The following CRIM1 variants were observed in gnomAD, a reference collection of about 807,000 sequenced individuals.
CRIM1 encodes cysteine rich transmembrane BMP regulator 1, also known as cysteine-rich motor neuron 1 protein.
In CRIM1, 32 loss-of-function variants were observed where a neutral mutation model predicts 116.4. The observed-to-expected ratio is 0.27, with a 90% CI of 0.21 to 0.37. CRIM1 has a LOEUF of 0.37. Among genes scored for constraint, CRIM1 ranks in the 10% least tolerant of loss-of-function variants. The pLI is 1.00. For missense variants in CRIM1, 1,331 were observed against 1,354.8 expected (o/e 0.98, Z 0.28); for synonymous variants, 590 against 509.2 (o/e 1.16, Z -2.13).
chr2:36,550,041 A>ATGTGTGTGTGTGTGTG lies in CRIM1; in HGVS notation c.*1351_*1366dup, dbSNP rs71396495. 41 of 146,454 alleles carry ATGTGTGTGTGTGTGTG rather than the reference A, an allele frequency of 2.8e-4. No individual in the cohort carries two copies. Among genetic ancestry groups the ATGTGTGTGTGTGTGTG allele is most frequent in the Admixed American group, 1.2e-3 (17 of 14,642 alleles). 9.1% of individuals were successfully genotyped at this position (146,454 alleles called of 1,614,324 possible). On this transcript the variant is annotated 3_prime_UTR_variant, in exon 17 of 17. Coordinates refer to ENST00000280527, the MANE Select transcript of CRIM1 (RefSeq NM_016441.3). The stretch of plus-strand genomic sequence containing the variant: ...GAAAGATGTGTGTGTGAGAGTATGT[A>ATGTGTGTGTGTGTGTG]TGTGTGTGTGTGTGTGTGTGTGTGT...
intron 1 of CRIM1, among the ~76,000 whole-genome samples, chr2:36,389,086 C>G (rs1372087455): frequency 6.6e-6 from 1 of 152,214 alleles, no homozygotes; most frequent in Non-Finnish European, 1.5e-5. Flanking sequence ...TTTATAGTTA[C>G]ATATGCTTAA....
At chr2:36,466,034 C>T (rs1440332639) in intron 5 of CRIM1, among the ~76,000 whole-genome samples, 2 of 118,288 alleles carry the variant, frequency 1.7e-5, no homozygotes, top group African/African-American at 2.9e-5. Flanking sequence ...TACAGGCGCC[C>T]GCCACCACAC....
At chr2:36,532,725 C>T (rs1379938023) in intron 13 of CRIM1, among the ~76,000 whole-genome samples, 1 of 152,164 alleles carries the variant, frequency 6.6e-6, no homozygotes, top group Non-Finnish European at 1.5e-5. Context: ...CCCTCCTCAC[C>T]CTGCCACTTC....
rs756778679 is a variant in CRIM1, at chr2:36,548,519, A to G, written c.2935-6A>G. The G allele has an allele frequency of 6.4e-7, 1 of 1,550,946 alleles. No individual in the cohort carries two copies. The highest frequency in any genetic ancestry group is 1.2e-5 in the South Asian group (1 of 80,730). On this transcript the variant is annotated splice_polypyrimidine_tract_variant and splice_region_variant and intron_variant, in intron 16 of 16. Transcript: ENST00000280527. Reference sequence around the variant, plus strand: ...TTGTGGTTTTATTCCTCCTCTCATTAAATAGCCTTCTTCCTTAAATAATCA... The same window carrying G: ...TTGTGGTTTTATTCCTCCTCTCATTGAATAGCCTTCTTCCTTAAATAATCA...
intron 13 of CRIM1, among the ~76,000 whole-genome samples, chr2:36,534,052 AGAAG>A (rs972346633): frequency 2.3e-5 from 3 of 131,492 alleles, no homozygotes; most frequent in Non-Finnish European, 4.8e-5. Flanking sequence ...GGACAGAGGG[AGAAG>A]GAAGGAAGGT....
chr2:36,543,701 T>A (rs867881943), intron 14 of CRIM1, among the ~76,000 whole-genome samples: 30 of 130,358 alleles, frequency 2.3e-4, no homozygotes, highest in East Asian at 1.1e-3. Flanking sequence ...TTTTTTTTTT[T>A]TAAAAAGACC....
intron 2 of CRIM1, among the ~76,000 whole-genome samples, chr2:36,434,792 T>C (rs1675170932): frequency 6.6e-6 from 1 of 152,256 alleles, no homozygotes; most frequent in Non-Finnish European, 1.5e-5. Flanking sequence ...TCATGAAGTC[T>C]GTTTTTCCAC....
At chr2:36,499,461 GA>G (rs1271734731) in intron 8 of CRIM1, 114 bp downstream of exon 8, 12 of 1,125,404 alleles carry the variant, frequency 1.1e-5, no homozygotes, top group African/African-American at 1.6e-5. Context: ...TTGACAACCT[GA>G]AAAAAAGGGG....
At chr2:36,495,657 T>C (rs1680537867) in intron 7 of CRIM1, among the ~76,000 whole-genome samples, 1 of 152,026 alleles carries the variant, frequency 6.6e-6, no homozygotes, top group African/African-American at 2.4e-5. Flanking sequence ...TTTGAAATGC[T>C]TTAATTGAGA....
At chr2:36,380,516 T>C (rs1438120575) in intron 1 of CRIM1, among the ~76,000 whole-genome samples, 1 of 152,096 alleles carries the variant, frequency 6.6e-6, no homozygotes, top group South Asian at 2.1e-4. Flanking sequence ...TTGGAAGCCC[T>C]TGAGAGGCCA....
intron 2 of CRIM1, among the ~76,000 whole-genome samples, chr2:36,398,983 C>T (rs1026401523): frequency 1.3e-4 from 19 of 151,970 alleles, no homozygotes; most frequent in African/African-American, 4.4e-4. Context: ...GTAGACTGAA[C>T]GATTTAGAAT....
At position 36,499,178 on chromosome 2, in the gene CRIM1, C is replaced by T. The variant is rs561133654; in HGVS notation, c.1373-41C>T. 2.7e-6 allele frequency: 4 copies of T among 1,506,774 alleles called. No homozygotes were observed. The African/African-American group carries it at 4.1e-5, about 16-fold the overall frequency. The allele number at this position is 1,506,774 out of a possible 1,614,324, so 93.3% of individuals were successfully genotyped here. A position where few individuals can be genotyped will look rare whatever the true frequency, so the allele number is the denominator to read the frequency against. On this transcript the variant is annotated intron_variant, in intron 7 of 16. Transcript: ENST00000280527. ...AATTGAATAGCATCTAAAAGGTAAT[C>T]ATATGTTTCATTGGTTATTTTTTTC...
intron 8 of CRIM1, among the ~76,000 whole-genome samples, chr2:36,508,124 T>C (rs1681557853): frequency 1.3e-5 from 2 of 152,196 alleles, no homozygotes; most frequent in African/African-American, 4.8e-5. Flanking sequence ...AATTACAAAT[T>C]TCTAAATGAA....
intron 1 of CRIM1, among the ~76,000 whole-genome samples, chr2:36,369,820 G>A (rs993561815): frequency 6.6e-6 from 1 of 152,198 alleles, no homozygotes; most frequent in African/African-American, 2.4e-5. Context: ...AATACTCTTT[G>A]AGAGACAGGA....
At chr2:36,547,251 G>T in intron 16 of CRIM1, 80 bp downstream of exon 16, 1 of 1,201,126 alleles carries the variant, frequency 8.3e-7, no homozygotes, top group Admixed American at 1.9e-5. Flanking sequence ...TTGAAACCTT[G>T]TGTCTTAACC....
At chr2:36,520,709 A>G (rs767832808) in intron 12 of CRIM1, among the ~76,000 whole-genome samples, 4 of 152,186 alleles carry the variant, frequency 2.6e-5, no homozygotes, top group Non-Finnish European at 4.4e-5. Context: ...TGTCCCTCAG[A>G]GAAGGTCCAC....
At chr2:36,422,046 T>A (rs149786610) in intron 2 of CRIM1, among the ~76,000 whole-genome samples, 3 of 151,806 alleles carry the variant, frequency 2.0e-5, no homozygotes, top group African/African-American at 7.3e-5. Context: ...ATTGTATATC[T>A]CATGAACTGC....
intron 1 of CRIM1, among the ~76,000 whole-genome samples, chr2:36,391,346 T>G (rs1671578544): frequency 6.6e-6 from 1 of 151,492 alleles, no homozygotes. Context: ...GCCAGGATGG[T>G]CTCGATCTCC....
intron 5 of CRIM1, among the ~76,000 whole-genome samples, chr2:36,465,889 C>CTTT (rs546998292): frequency 0.019 from 2,714 of 143,362 alleles, 84 homozygotes; most frequent in African/African-American, 0.066. Context: ...CTTTAGTATT[C>CTTT]TTTTTTTTTT....
Sources: allele counts gnomAD v4.1 joint callset (sites outside exome capture counted in the v4.1 genomes callset), GRCh38; gene constraint gnomAD v4.1.1; transcripts MANE v1.5; gene names NCBI Gene and HGNC (gene_info 2026-07-23, HGNC 2026-07-21).